IL17REL: variants seen among roughly 807,000 people sequenced by gnomAD.
IL17REL encodes interleukin 17 receptor E like, also known as interleukin-17 receptor E-like protein.
Under a neutral mutation model 49.0 loss-of-function variants are expected in IL17REL, and 36 were observed. That is an observed-to-expected ratio of 0.73 (90% CI 0.56 to 0.97). The LOEUF is 0.97. IL17REL is among the 50% of genes least tolerant of loss of function. IL17REL has a pLI of 0.00. For missense variants in IL17REL, 470 were observed against 453.9 expected, an observed-to-expected ratio of 1.04 and a Z score of -0.32; for synonymous variants, 206 against 192.4, an observed-to-expected ratio of 1.07 and a Z score of -0.58.
intron 9 of IL17REL, 140 bp from the exon 12 acceptor site, chr22:49,997,882 A>G: frequency 7.2e-7 from 1 of 1,379,584 alleles, no homozygotes; most frequent in Non-Finnish European, 1.0e-6. Context: ...TAGCTCACCC[A>G]CTGTCAGACC....
intron 1 of IL17REL, among the ~76,000 whole-genome samples, chr22:50,004,182 G>A (rs1016891432): frequency 2.2e-4 from 33 of 152,034 alleles, no homozygotes; most frequent in African/African-American, 7.7e-4. Flanking sequence ...GGGTTCAAGC[G>A]ATTCTTGTGT....
chr22:49,994,822 G>C (rs954663296), exon 13 of IL17REL: 2 of 152,540 alleles, frequency 1.3e-5, no homozygotes, highest in African/African-American at 4.8e-5. Context: ...TGACCCACAC[G>C]AGAAGTCTTC....
At chr22:49,997,822 G>C (rs1375555185) in intron 9 of IL17REL, 80 bp from the exon 12 acceptor site, 2 of 1,479,406 alleles carry the variant, frequency 1.4e-6, no homozygotes, top group Non-Finnish European at 9.4e-7. Flanking sequence ...ACAGGGACAG[G>C]CTGGGTCAGC....
At chr22:49,999,554 C>G in intron 5 of IL17REL, 52 bp from the exon 8 acceptor site, 1 of 789,954 alleles carries the variant, frequency 1.3e-6, no homozygotes, top group Non-Finnish European at 1.9e-6. Context: ...CGGGGGTGGT[C>G]TGGGGTGGGC....
At chr22:49,997,774 G>A (rs764790780) in intron 9 of IL17REL, 32 bp from the exon 12 acceptor site, 8 of 1,609,784 alleles carry the variant, frequency 5.0e-6, no homozygotes, top group South Asian at 2.2e-5. Flanking sequence ...GCAGGAGGGT[G>A]GAGTGTGTGT....
rs1383090883 is a variant in IL17REL, at chr22:49,999,283, A to T, written c.601+8T>A. ...CCCTTCCGCCCGTTGGCATCGCAGG[A>T]CACTTGCCGTTTTCAAAGGGGCAGA... On this transcript the variant is annotated splice_region_variant and intron_variant, in intron 7 of 12. Transcript: ENST00000341280. 7.4e-6 allele frequency: 12 copies of T among 1,612,736 alleles called. No individual in the cohort carries two copies. The highest frequency in any genetic ancestry group is 1.0e-5 in the Non-Finnish European group (12 of 1,179,996).
chr22:50,005,141 C>A (rs2061102351), intron 1 of IL17REL, among the ~76,000 whole-genome samples: 1 of 151,846 alleles, frequency 6.6e-6, no homozygotes, highest in South Asian at 2.1e-4. Context: ...ACTAAGCTGA[C>A]AAAATGAAGA....
chr22:50,000,445 G>A (rs752868156), intron 4 of IL17REL, 33 bp downstream of exon 5: 1 of 1,527,060 alleles, frequency 6.5e-7, no homozygotes, highest in Non-Finnish European at 9.1e-7. Flanking sequence ...AGGCTGAACG[G>A]TAGCTGTGCT....
chr22:49,998,808 T>A (rs1250432697), intron 7 of IL17REL, among the ~76,000 whole-genome samples: 1 of 151,788 alleles, frequency 6.6e-6, no homozygotes, highest in Non-Finnish European at 1.5e-5. Flanking sequence ...TGGGTGTGCC[T>A]GCCTGCGCGT....
At chr22:50,009,427 G>A (rs554512721), upstream of IL17REL, among the ~76,000 whole-genome samples, 5 of 152,158 alleles carry the variant, frequency 3.3e-5, no homozygotes, top group African/African-American at 4.8e-5. Flanking sequence ...GAAGGCGCCC[G>A]GCACCCCGGC....
chr22:50,011,267 GGCCTCTTCCACCC>G (rs1477149865), upstream of IL17REL, among the ~76,000 whole-genome samples: 1 of 139,048 alleles, frequency 7.2e-6, no homozygotes, highest in African/African-American at 2.7e-5. Context: ...CCTCCTTCCT[GGCCTCTTCCACCC>G]GCCTCAGCCC....
intron 1 of IL17REL, among the ~76,000 whole-genome samples, chr22:50,006,475 G>A (rs188262288): frequency 9.9e-5 from 15 of 152,074 alleles, no homozygotes; most frequent in African/African-American, 2.9e-4. Flanking sequence ...CCAGAGTGAC[G>A]CTGTGGAGAG....
At chr22:49,999,841 C>A in exon 5 of IL17REL, 1 of 1,518,102 alleles carries the variant, frequency 6.6e-7, no homozygotes, top group Non-Finnish European at 8.8e-7. Context: ...CACAGGGGCG[C>A]CGGCGTCCTC....
At chr22:49,998,379 C>T (rs1219299348) in intron 7 of IL17REL, 70 bp from the exon 10 acceptor site, 2 of 1,462,360 alleles carry the variant, frequency 1.4e-6, no homozygotes, top group East Asian at 4.7e-5. Context: ...TGGGGTCTAG[C>T]ACCCACTCAA....
At chr22:50,005,531 G>C (rs1011860655) in intron 1 of IL17REL, among the ~76,000 whole-genome samples, 1 of 152,172 alleles carries the variant, frequency 6.6e-6, no homozygotes, top group Non-Finnish European at 1.5e-5. Context: ...GCCGGGCGCG[G>C]TGGCTCACGC....
At chr22:50,000,809 T>C (rs1285971821) in exon 3 of IL17REL, 33 of 1,603,802 alleles carry the variant, frequency 2.1e-5, no homozygotes, top group Non-Finnish European at 2.8e-5. Flanking sequence ...GCTCTGACAC[T>C]GCGTCTCCTG....
At chr22:50,000,372 A>G (rs146369374) in intron 4 of IL17REL, 106 bp downstream of exon 5, 235 of 820,000 alleles carry the variant, frequency 2.9e-4, no homozygotes, top group Non-Finnish European at 4.1e-4. Flanking sequence ...TCTTGCGGGG[A>G]TCTGTCCAGT....
In IL17REL at chr22:49,997,503, AG is replaced by A. The variant is rs2061043900; in HGVS notation, c.878-88del. 1.4e-6 allele frequency: 2 copies of A among 1,432,470 alleles called. No individual in the cohort carries two copies. The highest frequency in any genetic ancestry group is 1.9e-6 in the Non-Finnish European group (2 of 1,032,296). The allele number at this position is 1,432,470 out of a possible 1,614,324, so 88.7% of individuals were successfully genotyped here. On this transcript the variant is annotated intron_variant, in intron 10 of 12. Transcript: ENST00000341280. ...TCCAGGCTGTGGGGAGTGAAGGGTG[AG>A]ACCCCCATCCGGCCCAGCACCCCAC...
upstream of IL17REL, among the ~76,000 whole-genome samples, chr22:50,012,234 C>T (rs1245607956): frequency 6.6e-6 from 1 of 152,316 alleles, no homozygotes; most frequent in Non-Finnish European, 1.5e-5. Context: ...AGCAGCCGAG[C>T]GGGGTGGGGT....
Sources: allele counts gnomAD v4.1 joint callset (sites outside exome capture counted in the v4.1 genomes callset), GRCh38; gene constraint gnomAD v4.1.1; transcripts MANE v1.5; gene names NCBI Gene and HGNC (gene_info 2026-07-23, HGNC 2026-07-21).